The following KAZN variants were observed in gnomAD, a reference collection of about 807,000 sequenced individuals.
KAZN encodes the protein kazrin.
Under a neutral mutation model 87.4 loss-of-function variants are expected in KAZN, and 40 were observed. The ratio of observed to expected loss-of-function variants is 0.46; its 90% CI spans 0.36 to 0.60. KAZN has a LOEUF of 0.60. Among genes scored for constraint, KAZN ranks in the 20% least tolerant of loss-of-function variants. The pLI is 0.00. For missense variants in KAZN, 898 were observed against 1,073.9 expected (o/e 0.84, Z 2.29); for synonymous variants, 466 against 458.3 (o/e 1.02, Z -0.22).
chr1:14,634,409 C>T (rs1572097566), intron 1 of KAZN, among the ~76,000 whole-genome samples: 1 of 152,164 alleles, frequency 6.6e-6, no homozygotes, highest in Non-Finnish European at 1.5e-5. Flanking sequence ...ATGGATGATA[C>T]GTTAGCAGGA....
At chr1:14,119,253 C>T (rs1644699132) in intron 1 of KAZN, among the ~76,000 whole-genome samples, 1 of 152,180 alleles carries the variant, frequency 6.6e-6, no homozygotes, top group Admixed American at 6.5e-5. Flanking sequence ...TTTTTCCTTG[C>T]TGGAGAGGCA....
chr1:14,926,598 A>G (rs1262847051), intron 1 of KAZN, among the ~76,000 whole-genome samples: 1 of 152,202 alleles, frequency 6.6e-6, no homozygotes, highest in Non-Finnish European at 1.5e-5. Flanking sequence ...TTAAAGACCA[A>G]ATCGAGTTTC....
chr1:14,531,044 G>A (rs1419394258), intron 2 of KAZN, among the ~76,000 whole-genome samples: 1 of 152,210 alleles, frequency 6.6e-6, no homozygotes, highest in Non-Finnish European at 1.5e-5. Flanking sequence ...CTGCACTCAA[G>A]CCTGGGTGAC....
chr1:14,755,215 T>C (rs1363142449), intron 1 of KAZN, among the ~76,000 whole-genome samples: 5 of 151,998 alleles, frequency 3.3e-5, no homozygotes, highest in Non-Finnish European at 5.9e-5. Flanking sequence ...ACTGTGCAAC[T>C]GCACTCCAGC....
chr1:14,036,223 C>A (rs1223145814), intron 1 of KAZN, among the ~76,000 whole-genome samples: 1 of 152,106 alleles, frequency 6.6e-6, no homozygotes, highest in African/African-American at 2.4e-5. Context: ...CCAACATGGC[C>A]CAAGACATGT....
intron 8 of KAZN, among the ~76,000 whole-genome samples, chr1:15,070,658 CA>C (rs1639465962): frequency 6.6e-6 from 1 of 152,178 alleles, no homozygotes; most frequent in African/African-American, 2.4e-5. Flanking sequence ...AGTCGTTTGA[CA>C]AAATGATTTT....
chr1:14,051,015 A>G (rs1294984938), intron 1 of KAZN, among the ~76,000 whole-genome samples: 3 of 152,226 alleles, frequency 2.0e-5, no homozygotes, highest in Non-Finnish European at 4.4e-5. Context: ...ATTCAGTACC[A>G]TTGCAATAGA....
intron 2 of KAZN, among the ~76,000 whole-genome samples, chr1:14,326,195 CT>C (rs1173027711): frequency 6.6e-6 from 1 of 152,090 alleles, no homozygotes; most frequent in South Asian, 2.1e-4. Flanking sequence ...TGTCTGCCCC[CT>C]ACCCCCGCCC....
In KAZN at chr1:14,758,335, T is replaced by A. The variant is rs927624249; in HGVS notation, c.226+159112T>A. Among the ~76,000 whole-genome samples, 9 of 151,060 alleles carry A rather than the reference T, an allele frequency of 6.0e-5. No homozygotes were observed. In the South Asian group the frequency reaches 1.3e-3, roughly 21 times the overall value. On this transcript the variant is annotated intron_variant, in intron 1 of 14. Transcript: ENST00000376030. ...CACACAGCACCACACCCAACTAATA[T>A]TTATTTATTTATTTATTTTTAGAGT...
At chr1:14,138,993 T>A (rs1250164597) in intron 1 of KAZN, among the ~76,000 whole-genome samples, 1 of 152,228 alleles carries the variant, frequency 6.6e-6, no homozygotes, top group Non-Finnish European at 1.5e-5. Flanking sequence ...ATGAAGTTAA[T>A]GTCTGGGCTG....
intron 2 of KAZN, among the ~76,000 whole-genome samples, chr1:15,006,884 G>A (rs527968574): frequency 5.9e-4 from 90 of 151,814 alleles, no homozygotes; most frequent in African/African-American, 2.0e-3. Context: ...GTGAAACCCC[G>A]TCTCTACTAA....
intron 13 of KAZN, among the ~76,000 whole-genome samples, chr1:15,106,256 G>A (rs891216596): frequency 4.6e-5 from 7 of 152,182 alleles, no homozygotes; most frequent in African/African-American, 1.7e-4. Flanking sequence ...ACTCCAGCCT[G>A]GGTAACAGAG....
intron 2 of KAZN, among the ~76,000 whole-genome samples, chr1:14,182,706 T>C (rs1646223479): frequency 6.6e-6 from 1 of 152,170 alleles, no homozygotes; most frequent in African/African-American, 2.4e-5. Flanking sequence ...AAAAAAAGAC[T>C]CTTTATTGGG....
At chr1:13,982,738 G>A (rs770547642) in intron 1 of KAZN, among the ~76,000 whole-genome samples, 1 of 152,160 alleles carries the variant, frequency 6.6e-6, no homozygotes, top group African/African-American at 2.4e-5. Context: ...TCAACACAAA[G>A]GTTCTCCAAG....
At chr1:14,956,427 C>T (rs995484983) in intron 1 of KAZN, among the ~76,000 whole-genome samples, 2 of 151,750 alleles carry the variant, frequency 1.3e-5, no homozygotes, top group Non-Finnish European at 2.9e-5. Flanking sequence ...TGGTGAAACC[C>T]CATCTCTACT....
intron 1 of KAZN, among the ~76,000 whole-genome samples, chr1:14,080,996 G>A (rs1643653689): frequency 6.6e-6 from 1 of 152,050 alleles, no homozygotes; most frequent in African/African-American, 2.4e-5. Context: ...AACAGTTTGA[G>A]ACCCTTCCCC....
intron 2 of KAZN, among the ~76,000 whole-genome samples, chr1:14,384,172 T>C (rs1661647760): frequency 6.6e-6 from 1 of 150,582 alleles, no homozygotes; most frequent in Non-Finnish European, 1.5e-5. Context: ...TTTTGTATCC[T>C]GAGACTTTGC....
intron 2 of KAZN, among the ~76,000 whole-genome samples, chr1:14,583,614 A>T (rs1675681674): frequency 6.6e-6 from 1 of 152,160 alleles, no homozygotes. Context: ...GGGTGGGAGC[A>T]TAAGCTTGGG....
chr1:14,442,404 G>A (rs1009187700), intron 2 of KAZN, among the ~76,000 whole-genome samples: 2 of 152,170 alleles, frequency 1.3e-5, no homozygotes, highest in Non-Finnish European at 2.9e-5. Flanking sequence ...GCAGGAACAG[G>A]GACTGTCATA....
Sources: allele counts gnomAD v4.1 joint callset (sites outside exome capture counted in the v4.1 genomes callset), GRCh38; gene constraint gnomAD v4.1.1; transcripts MANE v1.5; gene names NCBI Gene and HGNC (gene_info 2026-07-23, HGNC 2026-07-21).